LHFPL2: variants seen among roughly 807,000 people sequenced by gnomAD.
LHFPL2 encodes the protein LHFPL tetraspan subfamily member 2 protein.
Under a neutral mutation model 17.5 loss-of-function variants are expected in LHFPL2, and 7 were observed. The ratio of observed to expected loss-of-function variants is 0.40; its 90% CI spans 0.23 to 0.75. The LOEUF (loss-of-function observed/expected upper bound fraction) is 0.75. LHFPL2 is among the 30% of genes least tolerant of loss of function. The pLI, the probability that LHFPL2 is intolerant of heterozygous loss-of-function variation, is 0.37. For missense variants in LHFPL2, 241 were observed against 294.8 expected (o/e 0.82, Z 1.34); for synonymous variants, 134 against 116.2 (o/e 1.15, Z -0.99).
At chr5:78,590,708 C>CGT (rs538635993) in intron 2 of LHFPL2, among the ~76,000 whole-genome samples, 175 of 152,294 alleles carry the variant, frequency 1.1e-3, no homozygotes, top group Non-Finnish European at 1.9e-3. Flanking sequence ...TTATATTTCA[C>CGT]TAAACAGTCA....
chr5:78,616,188 C>T (rs551234736), intron 2 of LHFPL2, among the ~76,000 whole-genome samples: 2 of 152,148 alleles, frequency 1.3e-5, no homozygotes, highest in South Asian at 2.1e-4. Flanking sequence ...AGTGCAGTGG[C>T]GCAATCTCGG....
intron 1 of LHFPL2, among the ~76,000 whole-genome samples, chr5:78,646,215 C>T (rs1048616312): frequency 1.3e-5 from 2 of 152,128 alleles, no homozygotes; most frequent in Admixed American, 6.5e-5. Flanking sequence ...TCAGAATGAG[C>T]CAAAAGGATG....
chr5:78,512,676 T>C (rs1441997358), intron 3 of LHFPL2, among the ~76,000 whole-genome samples: 2 of 151,902 alleles, frequency 1.3e-5, no homozygotes, highest in Non-Finnish European at 2.9e-5. Flanking sequence ...TTGAGAGCTA[T>C]AAAGCCTTCC....
intron 3 of LHFPL2, among the ~76,000 whole-genome samples, chr5:78,519,953 A>G (rs1198827676): frequency 6.6e-6 from 1 of 152,072 alleles, no homozygotes; most frequent in African/African-American, 2.4e-5. Flanking sequence ...AACTGCTTCA[A>G]TGCTATAAAC....
At chr5:78,574,323 C>T (rs1283711252) in intron 2 of LHFPL2, among the ~76,000 whole-genome samples, 1 of 152,218 alleles carries the variant, frequency 6.6e-6, no homozygotes, top group Non-Finnish European at 1.5e-5. Flanking sequence ...AGCTTGGCCC[C>T]AGGAGGAGAG....
At chr5:78,612,751 C>T (rs991803537) in intron 2 of LHFPL2, among the ~76,000 whole-genome samples, 1 of 152,208 alleles carries the variant, frequency 6.6e-6, no homozygotes, top group Non-Finnish European at 1.5e-5. Flanking sequence ...AGGCCTGGTG[C>T]CAGGCGCAGT....
At chr5:78,518,316 C>T (rs951746422) in intron 3 of LHFPL2, among the ~76,000 whole-genome samples, 1 of 152,198 alleles carries the variant, frequency 6.6e-6, no homozygotes, top group South Asian at 2.1e-4. Context: ...CACCTATAAT[C>T]CCAACACTTT....
At chr5:78,497,995 A>G (rs1303542910) in intron 4 of LHFPL2, among the ~76,000 whole-genome samples, 1 of 152,222 alleles carries the variant, frequency 6.6e-6, no homozygotes, top group Non-Finnish European at 1.5e-5. Flanking sequence ...CTGACCTGTG[A>G]GAGCTGGCCA....
intron 2 of LHFPL2, among the ~76,000 whole-genome samples, chr5:78,612,014 A>C (rs1014470078): frequency 6.6e-6 from 1 of 152,226 alleles, no homozygotes; most frequent in African/African-American, 2.4e-5. Context: ...CGAAACAACG[A>C]AACAACTATT....
chr5:78,489,307 C>G (rs908284598), intron 4 of LHFPL2, among the ~76,000 whole-genome samples, 154 bp from the exon 5 acceptor site: 7 of 152,206 alleles, frequency 4.6e-5, no homozygotes, highest in Non-Finnish European at 1.0e-4. Flanking sequence ...CTAATCTGAC[C>G]TGATCAAGAA....
chr5:78,623,877 C>G (rs1744945023), intron 2 of LHFPL2, among the ~76,000 whole-genome samples: 1 of 152,214 alleles, frequency 6.6e-6, no homozygotes, highest in African/African-American at 2.4e-5. Flanking sequence ...CACAACAGGA[C>G]AAGCTCATAG....
At chr5:78,529,846 T>G (rs970215867) in intron 3 of LHFPL2, among the ~76,000 whole-genome samples, 1 of 152,208 alleles carries the variant, frequency 6.6e-6, no homozygotes, top group Non-Finnish European at 1.5e-5. Flanking sequence ...ACCCACAAAA[T>G]GTTTTTTAAT....
intron 2 of LHFPL2, among the ~76,000 whole-genome samples, chr5:78,569,368 G>A (rs1756937799): frequency 6.6e-6 from 1 of 152,150 alleles, no homozygotes; most frequent in Non-Finnish European, 1.5e-5. Flanking sequence ...ACAAATGCTC[G>A]AGGAAGTCTG....
chr5:78,502,704 CAT>C (rs1201234628), intron 4 of LHFPL2, among the ~76,000 whole-genome samples: 1 of 53,068 alleles, frequency 1.9e-5, no homozygotes, highest in Non-Finnish European at 4.1e-5. Context: ...TTTTAAAAAA[CAT>C]AGTTACTAAA....
chr5:78,504,759 T>A (rs543692915), intron 4 of LHFPL2, among the ~76,000 whole-genome samples: 3 of 152,334 alleles, frequency 2.0e-5, no homozygotes, highest in African/African-American at 7.2e-5. Flanking sequence ...CACCAGGCCC[T>A]TCACCGCCAC....
chr5:78,550,899 C>G (rs10050475), intron 3 of LHFPL2, among the ~76,000 whole-genome samples: 65,096 of 152,066 alleles, frequency 0.43, 14,093 homozygotes, highest in Middle Eastern at 0.48. Flanking sequence ...TCATATTGGA[C>G]AGAATGTCTG....
intron 3 of LHFPL2, among the ~76,000 whole-genome samples, chr5:78,546,660 T>A (rs1373949837): frequency 6.6e-6 from 1 of 152,238 alleles, no homozygotes; most frequent in East Asian, 1.9e-4. Context: ...CACCTGCACA[T>A]ATGACTAGAA....
At position 78,553,376 on chromosome 5, in the gene LHFPL2, A is replaced by G. The variant is rs573216733; in HGVS notation, c.-186+11437T>C. ...AGAATTGTTCCCTCCTCTGTCCCCA[A>G]TATAATTGGTTGACCACAGCAGCAG... On this transcript the variant is annotated intron_variant, in intron 3 of 4. Transcript: ENST00000380345. 2.2e-4 allele frequency among the ~76,000 whole-genome samples: 33 copies of G among 152,248 alleles called. 1 individual carries two copies. The highest frequency in any genetic ancestry group is 7.7e-4 in the African/African-American group (32 of 41,536).
intron 2 of LHFPL2, among the ~76,000 whole-genome samples, chr5:78,619,604 A>C (rs1744759685): frequency 7.5e-6 from 1 of 134,170 alleles, no homozygotes; most frequent in Non-Finnish European, 1.6e-5. Flanking sequence ...GCACCCATTA[A>C]CTCGTCATTT....
Sources: gnomAD v4.1 joint callset for allele counts (sites outside exome capture counted in the v4.1 genomes callset) on GRCh38, gnomAD v4.1.1 for gene constraint, MANE v1.5 for transcripts, NCBI Gene and HGNC (gene_info 2026-07-23, HGNC 2026-07-21) for gene names.